The following CUBN variants were observed in gnomAD, a reference collection of about 807,000 sequenced individuals.
CUBN encodes the protein 460 kDa receptor.
Under a neutral mutation model 405.3 loss-of-function variants are expected in CUBN, and 282 were observed. The observed-to-expected ratio is 0.70, with a 90% CI of 0.63 to 0.77. The LOEUF is 0.77. Ranked by LOEUF, CUBN falls within the 30% of genes least tolerant of loss-of-function variation. CUBN has a pLI of 0.00. For missense variants in CUBN, 4,514 were observed against 4,475.2 expected, an observed-to-expected ratio of 1.01 and a Z score of -0.25; for synonymous variants, 1,684 against 1,617.0, an observed-to-expected ratio of 1.04 and a Z score of -0.99.
intron 27 of CUBN, among the ~76,000 whole-genome samples, chr10:17,039,228 T>C (rs1009880826): frequency 1.3e-5 from 2 of 152,206 alleles, no homozygotes; most frequent in African/African-American, 4.8e-5. Flanking sequence ...ATGAGTCCTA[T>C]TTTGGTTTGT....
intron 31 of CUBN, among the ~76,000 whole-genome samples, chr10:16,979,673 C>A (rs989958051): frequency 6.6e-6 from 1 of 152,134 alleles, no homozygotes; most frequent in Non-Finnish European, 1.5e-5. Flanking sequence ...CTTCCTTACA[C>A]CTTATACAAA....
chr10:16,855,608 A>G (rs1839848066), intron 59 of CUBN, among the ~76,000 whole-genome samples: 2 of 152,204 alleles, frequency 1.3e-5, no homozygotes, highest in Non-Finnish European at 2.9e-5. Context: ...CATAAGTGAT[A>G]AAAACAAATG....
intron 29 of CUBN, among the ~76,000 whole-genome samples, chr10:16,987,773 C>G (rs1230239646): frequency 6.6e-6 from 1 of 152,162 alleles, no homozygotes; most frequent in African/African-American, 2.4e-5. Flanking sequence ...ACCATTAGCC[C>G]AATTTTATTA....
At chr10:16,905,324 T>C (rs1376062077) in intron 50 of CUBN, among the ~76,000 whole-genome samples, 1 of 152,210 alleles carries the variant, frequency 6.6e-6, no homozygotes, top group Non-Finnish European at 1.5e-5. Context: ...CCTCTTTGAA[T>C]ACAGAGTTTT....
chr10:16,844,133 G>A (rs1475272683), intron 60 of CUBN, among the ~76,000 whole-genome samples: 1 of 152,158 alleles, frequency 6.6e-6, no homozygotes, highest in African/African-American at 2.4e-5. Flanking sequence ...GCCAGATGTG[G>A]TGGCGCAGGC....
In CUBN at chr10:17,110,995, G is replaced by A. The variant is rs1801223; in HGVS notation, c.939C>T (p.Asn313=). The A allele has an allele frequency of 0.2, 315,475 of 1,613,428 alleles. 32,341 individuals carry two copies. The highest frequency in any genetic ancestry group is 0.29 in the Middle Eastern group (1,756 of 6,060). The part of the protein sequence containing the change: ...CEDINECEIN[N]GGCSVAPPVE... ...CGGGTGGAGCCACAGAACAGCCGCC[G>A]TTATTTATCTCACATTCATTGATAT... Residue 313 remains asparagine, a synonymous_variant, in exon 9 of 67, where the codon AAC becomes AAT. Transcript: ENST00000377833.
At chr10:17,050,139 C>T (rs1835229938) in intron 22 of CUBN, among the ~76,000 whole-genome samples, 1 of 152,160 alleles carries the variant, frequency 6.6e-6, no homozygotes, top group Non-Finnish European at 1.5e-5. Context: ...TTTCTCACCT[C>T]ATTTTTCCTC....
At chr10:17,090,755 C>T (rs1213909576) in intron 14 of CUBN, among the ~76,000 whole-genome samples, 1 of 130,692 alleles carries the variant, frequency 7.7e-6, no homozygotes, top group Non-Finnish European at 1.6e-5. Context: ...GGACTAAGTA[C>T]ATAAATAATA....
chr10:17,121,505 A>G (rs896222185), intron 6 of CUBN, among the ~76,000 whole-genome samples: 4 of 131,196 alleles, frequency 3.0e-5, no homozygotes, highest in Admixed American at 8.7e-5. Context: ...ATGAGAACAC[A>G]TGGACACAGG....
intron 31 of CUBN, among the ~76,000 whole-genome samples, chr10:16,976,672 C>T (rs1381227593): frequency 3.3e-5 from 5 of 151,926 alleles, no homozygotes; most frequent in Non-Finnish European, 4.4e-5. Context: ...TGTGAGACTC[C>T]AATTAAGTGT....
chr10:16,946,410 T>C (rs1300383556), intron 36 of CUBN, among the ~76,000 whole-genome samples: 1 of 151,732 alleles, frequency 6.6e-6, no homozygotes, highest in African/African-American at 2.4e-5. Flanking sequence ...CAATGAGGAA[T>C]ATGAAAGTGT....
chr10:16,991,629 C>CT (rs1344664645), intron 28 of CUBN, among the ~76,000 whole-genome samples: 13 of 53,702 alleles, frequency 2.4e-4, no homozygotes, highest in South Asian at 6.5e-4. Context: ...GCCTCTTTTT[C>CT]TGTTTTTTTT....
At chr10:16,893,536 A>G (rs896305902) in intron 54 of CUBN, among the ~76,000 whole-genome samples, 1 of 152,196 alleles carries the variant, frequency 6.6e-6, no homozygotes, top group African/African-American at 2.4e-5. Context: ...TTACTCCTAC[A>G]TTGCCTTCTC....
At chr10:17,021,424 A>G (rs779683561) in intron 27 of CUBN, among the ~76,000 whole-genome samples, 3 of 152,222 alleles carry the variant, frequency 2.0e-5, no homozygotes, top group Non-Finnish European at 2.9e-5. Flanking sequence ...AATCGCCTTC[A>G]TGTTCCCTTT....
At chr10:17,075,883 G>C (rs1835844899) in intron 17 of CUBN, among the ~76,000 whole-genome samples, 2 of 152,150 alleles carry the variant, frequency 1.3e-5, no homozygotes. Flanking sequence ...TTTGCAAATA[G>C]GTATTTGACA....
At chr10:17,057,983 A>T (rs1426174896) in intron 22 of CUBN, among the ~76,000 whole-genome samples, 1 of 151,912 alleles carries the variant, frequency 6.6e-6, no homozygotes, top group East Asian at 1.9e-4. Flanking sequence ...TTAGCCGGGC[A>T]TGGTGGCGCG....
At chr10:16,928,532 C>CCCCTTTTTT (rs1403918589) in intron 40 of CUBN, among the ~76,000 whole-genome samples, 1 of 107,122 alleles carries the variant, frequency 9.3e-6, no homozygotes, top group African/African-American at 3.6e-5. Flanking sequence ...CCACCCCCCC[C>CCCCTTTTTT]TTTTTTTTTT....
chr10:16,962,459 G>C (rs368743066), intron 31 of CUBN, among the ~76,000 whole-genome samples: 1 of 151,494 alleles, frequency 6.6e-6, no homozygotes, highest in African/African-American at 2.4e-5. Flanking sequence ...GGGGTGGGGG[G>C]TGGTAGGCAA....
At chr10:16,945,573 G>A (rs12217430) in intron 36 of CUBN, among the ~76,000 whole-genome samples, 9,826 of 151,986 alleles carry the variant, frequency 0.065, 515 homozygotes, top group East Asian at 0.2. Flanking sequence ...TTCGAGACCA[G>A]CTTGGCCAAC....
Sources: gnomAD v4.1 joint callset for allele counts (sites outside exome capture counted in the v4.1 genomes callset) on GRCh38, gnomAD v4.1.1 for gene constraint, MANE v1.5 for transcripts, NCBI Gene and HGNC (gene_info 2026-07-23, HGNC 2026-07-21) for gene names.